Variants in SAXO1 observed in about 807,000 individuals in gnomAD.
SAXO1 encodes the protein 4930500O09Rik.
A neutral mutation model predicts 17.5 loss-of-function variants in SAXO1; 21 were observed. The ratio of observed to expected loss-of-function variants is 1.20; its 90% CI spans 0.85 to 1.72. The LOEUF (loss-of-function observed/expected upper bound fraction) is 1.72, where lower values mean the gene tolerates loss of function less well. Ranked by LOEUF, SAXO1 falls within the 40% of genes most tolerant of loss-of-function variation. SAXO1 has a pLI of 0.00. For synonymous variants in SAXO1, 274 were observed against 216.5 expected, an observed-to-expected ratio of 1.27 and a Z score of -2.33; for missense variants, 843 against 596.0, an observed-to-expected ratio of 1.41 and a Z score of -4.32.
At position 19,048,545 on chromosome 9, in the gene SAXO1, A is replaced by G. The variant is rs185736613; in HGVS notation, c.-158+664T>C. Among the ~76,000 whole-genome samples, 3 of 152,352 alleles carry G rather than the reference A, an allele frequency of 2.0e-5. No individual in the cohort carries two copies. In the East Asian group the frequency reaches 5.8e-4, roughly 29 times the overall value. On this transcript the variant is annotated intron_variant, in intron 1 of 3. Coordinates refer to the SAXO1 transcript ENST00000542071. The stretch of plus-strand genomic sequence containing the variant: ...ATTCTGTATGAACGATACTGGCGAC[A>G]CTGATTCACTCATCTACTTGAAGAC...
intron 1 of SAXO1, among the ~76,000 whole-genome samples, chr9:19,005,474 A>C (rs10738526): frequency 0.49 from 74,023 of 151,932 alleles, 18,837 homozygotes; most frequent in Non-Finnish European, 0.57. Context: ...ATAAACCCTC[A>C]CATATATGGT....
intron 1 of SAXO1, among the ~76,000 whole-genome samples, chr9:19,000,421 G>C (rs936687240): frequency 2.6e-5 from 4 of 152,064 alleles, no homozygotes; most frequent in African/African-American, 9.6e-5. Flanking sequence ...CCCACAGTCT[G>C]GGAAGTGAGG....
chr9:19,039,367 T>G (rs1220928198), intron 1 of SAXO1, among the ~76,000 whole-genome samples: 1 of 152,140 alleles, frequency 6.6e-6, no homozygotes, highest in African/African-American at 2.4e-5. Context: ...GCTCTCAAAG[T>G]TTGAGGTTAA....
intron 1 of SAXO1, among the ~76,000 whole-genome samples, chr9:18,964,591 G>A (rs1832638764): frequency 6.6e-6 from 1 of 152,040 alleles, no homozygotes; most frequent in South Asian, 2.1e-4. Flanking sequence ...TATTTCTGTG[G>A]GATCAGTGGT....
At chr9:18,977,501 G>A (rs1372099931) in intron 1 of SAXO1, among the ~76,000 whole-genome samples, 2 of 152,070 alleles carry the variant, frequency 1.3e-5, no homozygotes, top group African/African-American at 4.8e-5. Flanking sequence ...TCTTTCGTTC[G>A]GTGAGATATA....
chr9:18,929,073 G>T lies in SAXO1; in HGVS notation c.422-18C>A. 6.2e-7 allele frequency: 1 copy of T among 1,610,500 alleles called. No individual in the cohort carries two copies. Among genetic ancestry groups the T allele is most frequent in the Non-Finnish European group, 8.5e-7 (1 of 1,178,372 alleles). ...ATAATCAGCTGAAATTAAAGCAGAA[G>T]AGGTAATTAATAATAAATCAAGTCA... On this transcript the variant is annotated intron_variant, in intron 3 of 3. Transcript: ENST00000380534.
rs142118124 is a variant in SAXO1 at position 18,968,932 on chromosome 9, G to A, written c.39-17995C>T. Among the ~76,000 whole-genome samples, 537 of 152,282 alleles carry A rather than the reference G, an allele frequency of 3.5e-3. 1 individual carries two copies. Among genetic ancestry groups the A allele is most frequent in the Non-Finnish European group, 5.5e-3 (374 of 68,024 alleles). ...CTTTTAGAGAAGCATAATAAGGTAG[G>A]TAGGGGTAAAAAACATGGCTGGCTG... On this transcript the variant is annotated intron_variant, in intron 1 of 3. Coordinates refer to ENST00000380534, the MANE Select transcript of SAXO1 (RefSeq NM_153707.4).
chr9:18,980,361 T>C (rs1372459871), intron 1 of SAXO1, among the ~76,000 whole-genome samples: 2 of 152,056 alleles, frequency 1.3e-5, no homozygotes, highest in African/African-American at 4.8e-5. Context: ...TGGTAGGTCA[T>C]ATTTGGAATC....
intron 1 of SAXO1, among the ~76,000 whole-genome samples, chr9:18,960,008 G>A (rs1052385940): frequency 5.9e-5 from 9 of 152,166 alleles, no homozygotes; most frequent in African/African-American, 1.7e-4. Context: ...GCATCAGGCT[G>A]AGTGGGCACG....
intron 3 of SAXO1, among the ~76,000 whole-genome samples, chr9:18,938,830 G>GCGTGTGTGTGTA (rs1831418598): frequency 1.4e-5 from 2 of 147,766 alleles, no homozygotes; most frequent in African/African-American, 5.0e-5. Context: ...GCGTGTGTGT[G>GCGTGTGTGTGTA]TGTGTGTGTG....
At position 19,009,831 on chromosome 9, in the gene SAXO1, C is replaced by CTT. The variant is rs34704836; in HGVS notation, c.38+23038_38+23039dup. Among the ~76,000 whole-genome samples the CTT allele has an allele frequency of 1.4e-3, 200 of 146,118 alleles. 1 individual carries two copies. Among genetic ancestry groups the CTT allele is most frequent in the Middle Eastern group, 0.011 (3 of 284 alleles). ...AAGTCCATTAAAGTTTTGGGGTTTT[C>CTT]TTTTTTTTTTTTTGAGACAAGGTCT... is the stretch of plus-strand genomic sequence containing the variant. On this transcript the variant is annotated intron_variant, in intron 1 of 3. Transcript: ENST00000380534.
intron 1 of SAXO1, among the ~76,000 whole-genome samples, chr9:19,042,341 G>A (rs1836097196): frequency 6.6e-6 from 1 of 152,160 alleles, no homozygotes. Flanking sequence ...TACACTGTTG[G>A]TGGAAATGTA....
At position 19,046,184 on chromosome 9, in the gene SAXO1, T is replaced by C. The variant is rs553757306; in HGVS notation, c.-158+3025A>G. Among the ~76,000 whole-genome samples the C allele has an allele frequency of 3.9e-5, 6 of 152,044 alleles. No homozygotes were observed. The East Asian group carries it at 1.2e-3, about 29-fold the overall frequency. ...ACGGGATAAAAACTTTTTCTTAATGTTACTATTATCCTCAGAGAGATAAAA... is the reference window on the plus strand; with the variant it reads ...ACGGGATAAAAACTTTTTCTTAATGCTACTATTATCCTCAGAGAGATAAAA... On this transcript the variant is annotated intron_variant, in intron 1 of 3. Transcript: ENST00000542071.
chr9:19,031,538 G>A (rs1282055777), intron 1 of SAXO1, among the ~76,000 whole-genome samples: 4 of 152,330 alleles, frequency 2.6e-5, no homozygotes, highest in Non-Finnish European at 5.9e-5. Context: ...TCCAGCCTGC[G>A]CAACAGAGCA....
intron 1 of SAXO1, among the ~76,000 whole-genome samples, chr9:19,039,305 G>A (rs1301885673): frequency 6.6e-6 from 1 of 152,186 alleles, no homozygotes; most frequent in Non-Finnish European, 1.5e-5. Flanking sequence ...TTAATGCGCT[G>A]TGGAACAAAA....
Position 19,032,973 on chromosome 9 carries a change from C to A in SAXO1, c.-65G>T. ...GCCAGCTGCAGCCGACTCCTAGACCCCAACCACCTGTCTTGGGGCACGCCC... is the reference window on the plus strand; with the variant it reads ...GCCAGCTGCAGCCGACTCCTAGACCACAACCACCTGTCTTGGGGCACGCCC... On this transcript the variant is annotated 5_prime_UTR_variant, in exon 1 of 4. Transcript: ENST00000380534. The A allele has an allele frequency of 6.5e-7, 1 of 1,543,322 alleles. No homozygotes were observed. Among genetic ancestry groups the A allele is most frequent in the Non-Finnish European group, 8.8e-7 (1 of 1,141,880 alleles).
At chr9:18,992,403 A>C (rs1053873263) in intron 1 of SAXO1, among the ~76,000 whole-genome samples, 1 of 152,146 alleles carries the variant, frequency 6.6e-6, no homozygotes, top group African/African-American at 2.4e-5. Flanking sequence ...CTTAGTGTCC[A>C]AATTTTCTCT....
chr9:18,963,345 T>G (rs1291501903), intron 1 of SAXO1, among the ~76,000 whole-genome samples: 1 of 152,184 alleles, frequency 6.6e-6, no homozygotes, highest in African/African-American at 2.4e-5. Context: ...GTGAAGAAAG[T>G]TAATGGTAGC....
In SAXO1 at chr9:18,928,381, C is replaced by T. The variant is rs534018583; in HGVS notation, c.1096G>A (p.Glu366Lys). The change falls in exon 4 of 4, where the codon GAG becomes AAG. Residue 366 changes from glutamate to lysine, a missense_variant. Transcript: ENST00000380534. ...KPVPQLDLPT[E>K]PLDCLTTTRA... ...GTGGTGGTCAGGCAGTCCAGGGGCTCGGTGGGCAAGTCCAGCTGGGGAACG... is the reference window on the plus strand; with the variant it reads ...GTGGTGGTCAGGCAGTCCAGGGGCTTGGTGGGCAAGTCCAGCTGGGGAACG... 15 of 1,611,672 alleles carry T rather than the reference C, an allele frequency of 9.3e-6. No homozygotes were observed. The highest frequency in any genetic ancestry group is 1.6e-4 in the Middle Eastern group (1 of 6,066).
Sources: allele counts gnomAD v4.1 joint callset (sites outside exome capture counted in the v4.1 genomes callset), GRCh38; gene constraint gnomAD v4.1.1; transcripts MANE v1.5; gene names NCBI Gene and HGNC (gene_info 2026-07-23, HGNC 2026-07-21).